FRMD4A: variants seen among roughly 807,000 people sequenced by gnomAD.
The protein encoded by FRMD4A is FERM domain containing 4A.
Under a neutral mutation model 129.1 loss-of-function variants are expected in FRMD4A, and 29 were observed. The ratio of observed to expected loss-of-function variants is 0.22; its 90% confidence interval spans 0.17 to 0.31. The LOEUF (loss-of-function observed/expected upper bound fraction) is 0.31. Among genes scored for constraint, FRMD4A ranks in the 10% least tolerant of loss-of-function variants. FRMD4A has a pLI of 1.00. For synonymous variants in FRMD4A, 634 were observed against 571.6 expected (o/e 1.11, Z -1.56); for missense variants, 1,272 against 1,375.8 (o/e 0.92, Z 1.19).
intron 12 of FRMD4A, among the ~76,000 whole-genome samples, chr10:13,723,801 AG>A (rs768825988): frequency 1.5e-3 from 229 of 152,298 alleles, no homozygotes; most frequent in Non-Finnish European, 2.0e-3. Context: ...CTGGAAAGAG[AG>A]GGTTCATTAG....
At chr10:14,139,643 T>C (rs1364638962) in intron 2 of FRMD4A, among the ~76,000 whole-genome samples, 3 of 151,796 alleles carry the variant, frequency 2.0e-5, no homozygotes, top group African/African-American at 7.3e-5. Context: ...AGAGATGGGG[T>C]CTTGCCATGT....
chr10:13,769,860 GACTGGGACTTA>G (rs1303256893), intron 6 of FRMD4A, among the ~76,000 whole-genome samples: 9 of 151,992 alleles, frequency 5.9e-5, no homozygotes, highest in Admixed American at 6.6e-5. Flanking sequence ...CTTGTCCTTG[GACTGGGACTTA>G]TACCACTGGC....
chr10:14,240,390 C>T (rs1005918698), intron 2 of FRMD4A, among the ~76,000 whole-genome samples: 1 of 152,156 alleles, frequency 6.6e-6, no homozygotes, highest in Admixed American at 6.6e-5. Context: ...TCAGGCTTCA[C>T]CCTAAACAAG....
chr10:13,684,634 C>T (rs1346789457), intron 15 of FRMD4A: 4 of 985,190 alleles, frequency 4.1e-6, no homozygotes, highest in Admixed American at 6.2e-5. Context: ...GACTCAGCAC[C>T]GGATATGAGC....
chr10:14,131,400 C>CCCA (rs888582429), intron 2 of FRMD4A, among the ~76,000 whole-genome samples: 17 of 150,502 alleles, frequency 1.1e-4, no homozygotes, highest in East Asian at 6.3e-4. Flanking sequence ...CACTGTGCCC[C>CCCA]CCCCGGCCGC....
rs200073491 is a variant in FRMD4A, at chr10:13,657,785, T to TG, written c.2067-264dup. 1.0e-3 allele frequency among the ~76,000 whole-genome samples: 111 copies of TG among 109,086 alleles called. 2 individuals carry two copies. In the East Asian group the frequency reaches 0.018, roughly 18 times the overall value. 71.6% of individuals were successfully genotyped at this position (109,086 alleles called of 152,430 possible). ...GGACTCACAGAAAGGTTTCGATTTC[T>TG]GGGTTTTTTTTTTTTTTTAAATAAT... On this transcript the variant is annotated intron_variant, in intron 21 of 24. Transcript: ENST00000357447.
chr10:14,284,110 T>C (rs560488594), intron 2 of FRMD4A, among the ~76,000 whole-genome samples: 15 of 152,316 alleles, frequency 9.8e-5, no homozygotes, highest in African/African-American at 3.4e-4. Context: ...ACTTAATGTA[T>C]TGGGCTGTAA....
chr10:13,950,323 AC>A (rs1398976234), intron 2 of FRMD4A, among the ~76,000 whole-genome samples: 2 of 152,242 alleles, frequency 1.3e-5, no homozygotes, highest in Admixed American at 6.5e-5. Flanking sequence ...GTAACTCAAG[AC>A]TGGTTTTAAC....
Position 14,128,092 on chromosome 10 carries a change from CTTTCTTTCTTTCT to C in FRMD4A, c.45+201953_45+201965del, listed in dbSNP as rs1255970962. 4.3e-5 allele frequency among the ~76,000 whole-genome samples: 3 copies of C among 69,194 alleles called. No individual in the cohort carries two copies. The East Asian group carries it at 2.0e-3, about 45-fold the overall frequency. The allele number at this position is 69,194 out of a possible 152,430, so 45.4% of individuals were successfully genotyped here. On this transcript the variant is annotated intron_variant, in intron 2 of 24. Coordinates refer to ENST00000357447, the MANE Select transcript of FRMD4A (RefSeq NM_018027.5). ...TCTTTCTTTCTTTCTTTCTTTCTTT[CTTTCTTTCTTTCT>C]TTTCTTTTCTTTTCTTGAGACAGGG...
chr10:14,106,988 G>A (rs1837621548), intron 2 of FRMD4A, among the ~76,000 whole-genome samples: 1 of 152,130 alleles, frequency 6.6e-6, no homozygotes, highest in African/African-American at 2.4e-5. Context: ...AGAAAATGTG[G>A]TACATATACA....
intron 2 of FRMD4A, among the ~76,000 whole-genome samples, chr10:14,079,628 T>C (rs1835812363): frequency 6.6e-6 from 1 of 152,180 alleles, no homozygotes; most frequent in African/African-American, 2.4e-5. Flanking sequence ...AGTAGTGGGA[T>C]GTGTTGGTGT....
intron 2 of FRMD4A, among the ~76,000 whole-genome samples, chr10:14,018,455 C>CAAAAAAAAAAAA (rs71388151): frequency 1.7e-5 from 1 of 59,250 alleles, no homozygotes; most frequent in African/African-American, 6.8e-5. Flanking sequence ...GACTCCATCT[C>CAAAAAAAAAAAA]AAAAAAAAAA....
chr10:14,303,013 C>T (rs1489911247), intron 2 of FRMD4A, among the ~76,000 whole-genome samples: 2 of 152,164 alleles, frequency 1.3e-5, no homozygotes, highest in Admixed American at 6.5e-5. Context: ...AGGCAGGAAT[C>T]CTATTCTTCA....
At chr10:13,993,858 A>AT (rs1293117396) in intron 2 of FRMD4A, among the ~76,000 whole-genome samples, 5 of 151,536 alleles carry the variant, frequency 3.3e-5, no homozygotes, top group East Asian at 2.0e-4. Context: ...TTTTTAAAAA[A>AT]ATATATATTC....
chr10:13,773,809 G>A (rs533502207), intron 6 of FRMD4A, among the ~76,000 whole-genome samples: 1 of 152,316 alleles, frequency 6.6e-6, no homozygotes, highest in South Asian at 2.1e-4. Context: ...ACTCGCTCCT[G>A]TCTCATGGGA....
intron 12 of FRMD4A, among the ~76,000 whole-genome samples, chr10:13,725,241 G>A (rs2089802012): frequency 6.6e-6 from 1 of 152,338 alleles, no homozygotes; most frequent in Admixed American, 6.5e-5. Context: ...GAATTGTGAG[G>A]TGTCTTGACT....
At chr10:13,698,627 A>G (rs1466860897) in intron 14 of FRMD4A, among the ~76,000 whole-genome samples, 4 of 152,252 alleles carry the variant, frequency 2.6e-5, no homozygotes, top group Admixed American at 6.5e-5. Context: ...GACATTAGTA[A>G]AAGATGGCAC....
chr10:14,291,233 T>C (rs1300254742), intron 2 of FRMD4A, among the ~76,000 whole-genome samples: 3 of 152,154 alleles, frequency 2.0e-5, no homozygotes, highest in Admixed American at 6.5e-5. Context: ...TGTAATACCA[T>C]CTAAAATTTG....
At chr10:14,141,493 G>A (rs989639356) in intron 2 of FRMD4A, among the ~76,000 whole-genome samples, 1 of 152,098 alleles carries the variant, frequency 6.6e-6, no homozygotes, top group Non-Finnish European at 1.5e-5. Flanking sequence ...GAAACATCAT[G>A]TGACACTCTC....
Sources: gnomAD v4.1 joint callset for allele counts (sites outside exome capture counted in the v4.1 genomes callset) on GRCh38, gnomAD v4.1.1 for gene constraint, MANE v1.5 for transcripts, NCBI Gene and HGNC (gene_info 2026-07-23, HGNC 2026-07-21) for gene names.